The following SKAP2 variants were observed in gnomAD, a reference collection of about 807,000 sequenced individuals.
The protein encoded by SKAP2 is src kinase associated phosphoprotein 2.
SKAP2 carries 28 observed loss-of-function variants against 54.9 expected under a neutral mutation model. The observed-to-expected ratio is 0.51, with a 90% CI of 0.38 to 0.70. The LOEUF (loss-of-function observed/expected upper bound fraction) is 0.70, where lower values mean the gene tolerates loss of function less well. Among genes scored for constraint, SKAP2 ranks in the 30% least tolerant of loss-of-function variants. The pLI is 0.00. For missense variants in SKAP2, 356 were observed against 424.1 expected, an observed-to-expected ratio of 0.84 and a Z score of 1.41; for synonymous variants, 137 against 134.3, an observed-to-expected ratio of 1.02 and a Z score of -0.14.
At chr7:26,761,597 T>C (rs1315263401) in intron 4 of SKAP2, among the ~76,000 whole-genome samples, 3 of 152,116 alleles carry the variant, frequency 2.0e-5, no homozygotes, top group Admixed American at 6.6e-5. Context: ...AAGACAGCAA[T>C]ACTAGGGCAA....
At chr7:26,832,396 A>T (rs773480673) in intron 4 of SKAP2, among the ~76,000 whole-genome samples, 14 of 152,200 alleles carry the variant, frequency 9.2e-5, no homozygotes, top group Non-Finnish European at 1.6e-4. Flanking sequence ...TACTTCTTCC[A>T]ATGATTCTAA....
Position 26,834,617 on chromosome 7 carries a change from C to T in SKAP2, c.307+9413G>A, listed in dbSNP as rs959781296. On this transcript the variant is annotated intron_variant, in intron 4 of 12. Transcript: ENST00000345317. ...TAAAAGAAATGGATGAATTCCTGGA[C>T]GCATACACCCTCCCAAGGCTAAACC... 6.6e-5 allele frequency among the ~76,000 whole-genome samples: 10 copies of T among 152,276 alleles called. No individual in the cohort carries two copies. The East Asian group carries it at 9.6e-4, about 15-fold the overall frequency.
intron 10 of SKAP2, among the ~76,000 whole-genome samples, chr7:26,689,172 C>T (rs923266209): frequency 6.6e-6 from 1 of 152,160 alleles, no homozygotes; most frequent in Admixed American, 6.5e-5. Flanking sequence ...TGAACACACA[C>T]TTCTTGTCCA....
At chr7:26,691,284 C>A (rs1173590902) in intron 9 of SKAP2, among the ~76,000 whole-genome samples, 2 of 152,164 alleles carry the variant, frequency 1.3e-5, no homozygotes, top group Admixed American at 1.3e-4. Context: ...ACTTAATAAA[C>A]TAATTCATTT....
chr7:26,749,745 C>CAATAATAATAAT (rs68049436), intron 4 of SKAP2, among the ~76,000 whole-genome samples: 4 of 144,756 alleles, frequency 2.8e-5, no homozygotes, highest in South Asian at 2.2e-4. Flanking sequence ...CAAATAATAA[C>CAATAATAATAAT]AATAATAATA....
intron 4 of SKAP2, among the ~76,000 whole-genome samples, chr7:26,809,259 C>T (rs957984030): frequency 1.3e-5 from 2 of 151,968 alleles, no homozygotes; most frequent in South Asian, 4.2e-4. Context: ...ACTAAACATA[C>T]AAAAATTGGC....
intron 9 of SKAP2, among the ~76,000 whole-genome samples, chr7:26,696,083 T>C (rs545740674): frequency 6.6e-6 from 1 of 152,314 alleles, no homozygotes; most frequent in Admixed American, 6.5e-5. Flanking sequence ...TTCACAATTA[T>C]GACAGCAAGG....
At chr7:26,812,629 T>G (rs557214567) in intron 4 of SKAP2, among the ~76,000 whole-genome samples, 1 of 152,200 alleles carries the variant, frequency 6.6e-6, no homozygotes, top group African/African-American at 2.4e-5. Flanking sequence ...GTTTAAATGA[T>G]GTATATCAAA....
intron 4 of SKAP2, among the ~76,000 whole-genome samples, chr7:26,754,360 TCA>T (rs59297270): frequency 0.81 from 111,659 of 137,896 alleles, 45,587 homozygotes; most frequent in African/African-American, 0.95. Context: ...TGAGACTCCG[TCA>T]CACACACACA....
intron 11 of SKAP2, among the ~76,000 whole-genome samples, chr7:26,678,550 C>T (rs1460968782): frequency 1.3e-5 from 2 of 151,022 alleles, no homozygotes; most frequent in East Asian, 1.9e-4. Context: ...AAGTGATTCT[C>T]CTGCCTCAGC....
At chr7:26,724,137 T>C (rs533318388) in intron 9 of SKAP2, among the ~76,000 whole-genome samples, 1 of 152,290 alleles carries the variant, frequency 6.6e-6, no homozygotes, top group African/African-American at 2.4e-5. Context: ...ATACAATATG[T>C]AGATGCATAC....
chr7:26,720,253 T>A (rs1787551505), intron 9 of SKAP2, among the ~76,000 whole-genome samples: 1 of 152,194 alleles, frequency 6.6e-6, no homozygotes, highest in Admixed American at 6.5e-5. Context: ...TGCACACAGA[T>A]ATTTTCGGTT....
intron 11 of SKAP2, among the ~76,000 whole-genome samples, chr7:26,684,171 T>C (rs1786577315): frequency 6.6e-6 from 1 of 152,258 alleles, no homozygotes; most frequent in African/African-American, 2.4e-5. Flanking sequence ...TACATATATA[T>C]ATATGAAGAT....
chr7:26,715,525 G>A (rs961776809), intron 9 of SKAP2, among the ~76,000 whole-genome samples: 3 of 151,848 alleles, frequency 2.0e-5, no homozygotes, highest in African/African-American at 7.3e-5. Context: ...GCCTGTAATC[G>A]CAGCACTTTG....
At position 26,697,316 on chromosome 7, in the gene SKAP2, T is replaced by C. The variant is rs75177009; in HGVS notation, c.797-6954A>G. Among the ~76,000 whole-genome samples, 485 of 152,310 alleles carry C rather than the reference T, an allele frequency of 3.2e-3. 6 individuals are homozygous for C. Among genetic ancestry groups the C allele is most frequent in the African/African-American group, 0.011 (463 of 41,558 alleles). The stretch of plus-strand genomic sequence containing the variant: ...TCACCTACAGGCAATTAGGCAATTA[T>C]GGCAAAAGGGAATGTATATAGGTTA... On this transcript the variant is annotated intron_variant, in intron 9 of 12. Transcript: ENST00000345317.
At chr7:26,759,591 G>A (rs1782879614) in intron 4 of SKAP2, among the ~76,000 whole-genome samples, 2 of 151,998 alleles carry the variant, frequency 1.3e-5, no homozygotes, top group Non-Finnish European at 2.9e-5. Context: ...ACAAACCCTG[G>A]CCTTTTAAAA....
At chr7:26,688,583 C>G (rs915719395) in intron 10 of SKAP2, among the ~76,000 whole-genome samples, 4 of 152,136 alleles carry the variant, frequency 2.6e-5, no homozygotes, top group African/African-American at 9.7e-5. Context: ...AAGGTCACTT[C>G]TATGCAAAAG....
At chr7:26,851,706 A>C (rs1408893012) in intron 3 of SKAP2, among the ~76,000 whole-genome samples, 2 of 148,934 alleles carry the variant, frequency 1.3e-5, no homozygotes, top group East Asian at 3.9e-4. Context: ...CCTAGAACTT[A>C]AAGTATAATA....
intron 1 of SKAP2, chr7:26,857,651 C>T (rs768005465): frequency 1.3e-5 from 13 of 985,424 alleles, no homozygotes; most frequent in Admixed American, 1.2e-4. Context: ...CAGCGTTAAA[C>T]CCCAGGGTTC....
Sources: allele counts gnomAD v4.1 joint callset (sites outside exome capture counted in the v4.1 genomes callset), GRCh38; gene constraint gnomAD v4.1.1; transcripts MANE v1.5; gene names NCBI Gene and HGNC (gene_info 2026-07-23, HGNC 2026-07-21).